The following RTN1 variants were observed in gnomAD, a reference collection of about 807,000 sequenced individuals.
The protein encoded by RTN1 is reticulon 1.
Under a neutral mutation model 65.5 loss-of-function variants are expected in RTN1, and 25 were observed. The observed-to-expected ratio is 0.38, with a 90% CI of 0.28 to 0.53. The LOEUF (loss-of-function observed/expected upper bound fraction) is 0.53, where lower values mean the gene tolerates loss of function less well. Among genes scored for constraint, RTN1 ranks in the 20% least tolerant of loss-of-function variants. The pLI is 0.79. For synonymous variants in RTN1, 471 were observed against 447.6 expected (o/e 1.05, Z -0.66); for missense variants, 983 against 1,025.4 (o/e 0.96, Z 0.57).
chr14:59,639,609 C>A (rs1290457296), intron 3 of RTN1, among the ~76,000 whole-genome samples: 1 of 152,084 alleles, frequency 6.6e-6, no homozygotes, highest in Non-Finnish European at 1.5e-5. Flanking sequence ...TGTCTTACTC[C>A]TGAAGTAAGG....
intron 1 of RTN1, among the ~76,000 whole-genome samples, chr14:59,847,170 T>A (rs190527884): frequency 6.6e-6 from 1 of 152,324 alleles, no homozygotes; most frequent in Admixed American, 6.5e-5. Context: ...TGTACATACT[T>A]CTATCGTATT....
chr14:59,709,325 A>G (rs974533130), intron 3 of RTN1, among the ~76,000 whole-genome samples: 1 of 152,228 alleles, frequency 6.6e-6, no homozygotes, highest in East Asian at 1.9e-4. Context: ...ATCTTTGCAT[A>G]ATAATCTATT....
At chr14:59,851,933 C>G (rs150753358) in intron 1 of RTN1, among the ~76,000 whole-genome samples, 110 of 151,360 alleles carry the variant, frequency 7.3e-4, no homozygotes, top group African/African-American at 2.6e-3. Context: ...GTAAACAGAA[C>G]TGCTCGGTTT....
chr14:59,727,800 A>G lies in RTN1; in HGVS notation c.1016-132T>C. 1 of 1,255,736 alleles carries G rather than the reference A, an allele frequency of 8.0e-7. No homozygotes were observed. Among genetic ancestry groups the G allele is most frequent in the Non-Finnish European group, 1.1e-6 (1 of 939,876 alleles). The allele number at this position is 1,255,736 out of a possible 1,614,324, so 77.8% of individuals were successfully genotyped here. A position where few individuals can be genotyped will look rare whatever the true frequency, so the allele number is the denominator to read the frequency against. ...TCGTTGCTTGAGAAACACATATCTCATTAGCACAAAAATAATCTGTTTCCA... is the reference window on the plus strand; with the variant it reads ...TCGTTGCTTGAGAAACACATATCTCGTTAGCACAAAAATAATCTGTTTCCA... On this transcript the variant is annotated intron_variant, in intron 2 of 8. Coordinates refer to ENST00000267484, the MANE Select transcript of RTN1 (RefSeq NM_021136.3). The surrounding 1 kb of genome is among the most constrained non-coding windows in gnomAD (Gnocchi z 4.2).
intron 4 of RTN1, 105 bp downstream of exon 4, chr14:59,607,180 T>C: frequency 3.2e-6 from 3 of 945,190 alleles, no homozygotes; most frequent in South Asian, 3.0e-5. Flanking sequence ...AAGAGGTCTG[T>C]TGGGTCTCAG....
intron 3 of RTN1, chr14:59,630,945 T>TC: frequency 1.6e-5 from 10 of 608,492 alleles, no homozygotes; most frequent in South Asian, 7.2e-5. Context: ...ATATGCGAGG[T>TC]GCATATTCTA....
At chr14:59,704,529 A>C (rs1884250425) in intron 3 of RTN1, among the ~76,000 whole-genome samples, 1 of 152,186 alleles carries the variant, frequency 6.6e-6, no homozygotes, top group South Asian at 2.1e-4. Context: ...AAAGGCCCAG[A>C]GTCACTAGAA....
intron 3 of RTN1, among the ~76,000 whole-genome samples, chr14:59,694,175 T>C (rs934387781): frequency 2.0e-5 from 3 of 152,222 alleles, no homozygotes; most frequent in South Asian, 4.1e-4. Context: ...TATTCCCCAG[T>C]TGGTCATTCA....
chr14:59,742,982 T>C (rs1022230364), intron 2 of RTN1, among the ~76,000 whole-genome samples: 2 of 152,348 alleles, frequency 1.3e-5, no homozygotes, highest in East Asian at 3.9e-4. Context: ...TCTGTTGTCA[T>C]ATGACTCTGG....
In RTN1 at chr14:59,834,748, A is replaced by AG. The variant is rs1348287920; in HGVS notation, c.241+35641_241+35642insC. Among the ~76,000 whole-genome samples, 425 of 152,326 alleles carry AG rather than the reference A, an allele frequency of 2.8e-3. 3 individuals carry two copies. The highest frequency in any genetic ancestry group is 9.9e-3 in the African/African-American group (411 of 41,572). On this transcript the variant is annotated intron_variant, in intron 1 of 8. Transcript: ENST00000267484. The stretch of plus-strand genomic sequence containing the variant: ...GTTGCATAGAAAAAGCAAGTAGCAA[A>AG]CAAAAAATTCAAAATGATGATCCAT...
At chr14:59,740,994 G>A (rs1885105278) in intron 2 of RTN1, among the ~76,000 whole-genome samples, 1 of 152,128 alleles carries the variant, frequency 6.6e-6, no homozygotes. Flanking sequence ...TAATTGAGAG[G>A]AATAAAAGGA....
intron 1 of RTN1, among the ~76,000 whole-genome samples, chr14:59,749,310 A>ATATATATCTATATATATC (rs1566711452): frequency 9.8e-5 from 3 of 30,648 alleles, no homozygotes; most frequent in African/African-American, 5.2e-4. Flanking sequence ...ATATATATCT[A>ATATATATCTATATATATC]TATATATATC....
chr14:59,823,711 T>C (rs567084170), intron 1 of RTN1, among the ~76,000 whole-genome samples: 1 of 152,348 alleles, frequency 6.6e-6, no homozygotes, highest in East Asian at 1.9e-4. Context: ...AGGGTTTTTC[T>C]TTCACATTTA....
chr14:59,616,905 C>T (rs1487410837), intron 3 of RTN1, among the ~76,000 whole-genome samples: 2 of 152,168 alleles, frequency 1.3e-5, no homozygotes, highest in East Asian at 3.8e-4. Flanking sequence ...GGACTTATTT[C>T]TTTAGAGCTA....
intron 3 of RTN1, among the ~76,000 whole-genome samples, chr14:59,650,808 T>C (rs185436995): frequency 2.4e-4 from 36 of 152,266 alleles, no homozygotes; most frequent in African/African-American, 8.2e-4. Flanking sequence ...GAAGACTCAA[T>C]ATCATTAAAA....
chr14:59,754,553 G>C (rs1348200612), intron 1 of RTN1, among the ~76,000 whole-genome samples: 2 of 152,092 alleles, frequency 1.3e-5, no homozygotes, highest in African/African-American at 4.8e-5. Flanking sequence ...TTAGAGCCTC[G>C]GTTAATCCAT....
intron 1 of RTN1, among the ~76,000 whole-genome samples, chr14:59,771,406 A>G (rs1243793454): frequency 6.6e-6 from 1 of 152,250 alleles, no homozygotes; most frequent in African/African-American, 2.4e-5. Flanking sequence ...TAAGGTGTCA[A>G]CTTGGCTTCT....
At chr14:59,860,329 G>T (rs1887685851) in intron 1 of RTN1, among the ~76,000 whole-genome samples, 1 of 152,220 alleles carries the variant, frequency 6.6e-6, no homozygotes, top group Non-Finnish European at 1.5e-5. Context: ...GCTTCCACGT[G>T]GTATTGAGCC....
intron 3 of RTN1, among the ~76,000 whole-genome samples, chr14:59,609,457 C>T (rs1260493862): frequency 6.6e-6 from 1 of 151,898 alleles, no homozygotes; most frequent in Non-Finnish European, 1.5e-5. Flanking sequence ...TAGAATGAAG[C>T]ACCAAAAGCC....
Sources: allele counts gnomAD v4.1 joint callset (sites outside exome capture counted in the v4.1 genomes callset), GRCh38; gene constraint gnomAD v4.1.1; non-coding constraint Gnocchi (gnomAD v3.1); transcripts MANE v1.5; gene names NCBI Gene and HGNC (gene_info 2026-07-23, HGNC 2026-07-21).